The following GHRL variants were observed in gnomAD, a reference collection of about 807,000 sequenced individuals.
GHRL encodes appetite-regulating hormone.
A neutral mutation model predicts 16.9 loss-of-function variants in GHRL; 24 were observed. That is an observed-to-expected ratio of 1.42 (90% CI 1.03 to 2.00). GHRL has a LOEUF of 2.00. GHRL is among the 30% of genes most tolerant of loss of function. The pLI, the probability that GHRL is intolerant of heterozygous loss-of-function variation, is 0.00. For missense variants in GHRL, 193 were observed against 142.1 expected (o/e 1.36, Z -1.82); for synonymous variants, 63 against 58.2 (o/e 1.08, Z -0.37).
Position 10,285,827 on chromosome 3 carries a change from G to C in GHRL, c.*48C>G. 1 of 1,561,450 alleles carries C rather than the reference G, an allele frequency of 6.4e-7. No homozygotes were observed. Among genetic ancestry groups the C allele is most frequent in the Non-Finnish European group, 8.8e-7 (1 of 1,132,234 alleles). ...TGCTGCAGAAGCAAGCGAAAAGCCAGATGAGCGCTTCTAAACTTAGAGAGA... is the reference window on the plus strand; with the variant it reads ...TGCTGCAGAAGCAAGCGAAAAGCCACATGAGCGCTTCTAAACTTAGAGAGA... On this transcript the variant is annotated 3_prime_UTR_variant, in exon 6 of 6. Transcript: ENST00000335542.
At chr3:10,286,030 C>T in intron 5 of GHRL, 136 bp from the exon 6 acceptor site, 2 of 766,544 alleles carry the variant, frequency 2.6e-6, no homozygotes, top group Non-Finnish European at 4.5e-6. Flanking sequence ...CAGAGGGCGG[C>T]ACTCAAGTGT....
Position 10,292,869 on chromosome 3 carries a change from A to G in GHRL, c.-793T>C, listed in dbSNP as rs1253383649. ...GGACCCTGGAGGCCTCTCCGGGCACAGCTGCCAATGTTGATCTTAGATAAG... is the reference window on the plus strand; with the variant it reads ...GGACCCTGGAGGCCTCTCCGGGCACGGCTGCCAATGTTGATCTTAGATAAG... On this transcript the variant is annotated 5_prime_UTR_variant, in exon 1 of 6. Coordinates refer to ENST00000335542, the MANE Select transcript of GHRL (RefSeq NM_016362.5). 2.6e-6 allele frequency: 4 copies of G among 1,549,064 alleles called. No individual in the cohort carries two copies. Among genetic ancestry groups the G allele is most frequent in the Non-Finnish European group, 3.5e-6 (4 of 1,145,348 alleles).
chr3:10,292,794 C>G, intron 1 of GHRL, 48 bp downstream of exon 1: 9 of 1,149,022 alleles, frequency 7.8e-6, no homozygotes, highest in Non-Finnish European at 1.1e-5. Context: ...CAGAAAAATC[C>G]TAACTGTGGT....
Position 10,290,079 on chromosome 3 carries a change from T to C in GHRL, c.102A>G (p.Arg34=). The C allele has an allele frequency of 1.9e-6, 3 of 1,611,844 alleles. No individual in the cohort carries two copies. Among genetic ancestry groups the C allele is most frequent in the Non-Finnish European group, 2.5e-6 (3 of 1,179,248 alleles). Residue 34 remains arginine (R), a synonymous_variant, in exon 3 of 6, where the codon AGA becomes AGG. Transcript: ENST00000335542. The part of the protein sequence containing the change: ...GSSFLSPEHQ[R]VQQRKESKKP... ...CTTTGTGGGGAGGTCTCACCTGGAC[T>C]CTCTGGTGTTCAGGGCTCAGGAAGC... is the stretch of plus-strand genomic sequence containing the variant.
At chr3:10,289,632 G>A in intron 4 of GHRL, 130 bp downstream of exon 4, 3 of 744,234 alleles carry the variant, frequency 4.0e-6, no homozygotes, top group Non-Finnish European at 7.4e-6. Context: ...CAACTCCTGT[G>A]GTACTGGTTT....
intron 5 of GHRL, 126 bp from the exon 6 acceptor site, chr3:10,286,020 CAG>C (rs751764543): frequency 4.6e-5 from 37 of 804,068 alleles, no homozygotes; most frequent in Non-Finnish European, 7.4e-5. Context: ...GCCTTGGAGT[CAG>C]AGGGCGGCAC....
intron 4 of GHRL, 127 bp downstream of exon 4, chr3:10,289,635 A>G: frequency 2.7e-6 from 2 of 749,870 alleles, no homozygotes; most frequent in Non-Finnish European, 4.9e-6. Context: ...CTCCTGTGGT[A>G]CTGGTTTTAT....
chr3:10,289,794 C>G lies in GHRL; in HGVS notation c.193G>C (p.Ala65Pro), dbSNP rs142357568. ...TCCAGTTCATCCTCTGCCCCTTCTG[C>G]TTGACCTCCATCTTCCGGGCGGAGC... ...GWLRPEDGGQ[A>P]EGAEDELEVR... The change falls in exon 4 of 6, where the codon GCA becomes CCA. Residue 65 changes from alanine to proline, a missense_variant. Coordinates refer to ENST00000335542, the MANE Select transcript of GHRL (RefSeq NM_016362.5). 6.2e-7 allele frequency: 1 copy of G among 1,612,964 alleles called. No individual in the cohort carries two copies. The highest frequency in any genetic ancestry group is 1.3e-5 in the African/African-American group (1 of 74,776).
At chr3:10,289,509 C>T (rs1449727509) in intron 4 of GHRL, among the ~76,000 whole-genome samples, 1 of 152,222 alleles carries the variant, frequency 6.6e-6, no homozygotes, top group African/African-American at 2.4e-5. Context: ...GGCTCTGGCA[C>T]CCTCTCTCCT....
intron 5 of GHRL, among the ~76,000 whole-genome samples, 163 bp downstream of exon 5, chr3:10,286,541 C>T (rs537767665): frequency 6.6e-6 from 1 of 152,338 alleles, no homozygotes; most frequent in Non-Finnish European, 1.5e-5. Context: ...CCTTCTGAGC[C>T]ACTCACAAAT....
In GHRL at chr3:10,285,739, G is replaced by A. The variant is rs868519650; in HGVS notation, c.*136C>T. On this transcript the variant is annotated 3_prime_UTR_variant, in exon 6 of 6. Transcript: ENST00000335542. Reference sequence around the variant, plus strand: ...CCTCTTTGAAATAAATTCCCATTTGGAACATCAGCATACAGTTTGAACATT... The same window carrying A: ...CCTCTTTGAAATAAATTCCCATTTGAAACATCAGCATACAGTTTGAACATT... The A allele has an allele frequency of 1.8e-5, 11 of 622,340 alleles. No individual in the cohort carries two copies. The South Asian group carries it at 2.4e-4, about 14-fold the overall frequency. The allele number at this position is 622,340 out of a possible 1,614,324, so 38.6% of individuals were successfully genotyped here. A position where few individuals can be genotyped will look rare whatever the true frequency, so the allele number is the denominator to read the frequency against.
intron 4 of GHRL, 132 bp from the exon 5 acceptor site, chr3:10,286,944 C>A: frequency 1.6e-6 from 1 of 606,514 alleles, no homozygotes; most frequent in South Asian, 1.9e-5. Flanking sequence ...CCAGCAGGGA[C>A]TGCTGAGTGA....
At chr3:10,286,014 T>TG (rs1429334331) in intron 5 of GHRL, 120 bp from the exon 6 acceptor site, 2 of 881,558 alleles carry the variant, frequency 2.3e-6, no homozygotes, top group Admixed American at 4.0e-5. Context: ...GCACTGGCCT[T>TG]GGAGTCAGAG....
rs1699692841 is a variant in GHRL, at chr3:10,289,854, G to T, written c.133C>A (p.Pro45Thr). 6.2e-7 allele frequency: 1 copy of T among 1,613,538 alleles called. No individual in the cohort carries two copies. The highest frequency in any genetic ancestry group is 1.1e-5 in the South Asian group (1 of 91,066). The stretch of plus-strand genomic sequence containing the variant: ...AGAGCTCGGGGCTGCAGCTTGGCTG[G>T]TGGCTTCTTCGACTCCTTTCTCTGC... ...VQQRKESKKP[P>T]AKLQPRALAG... is the part of the protein sequence containing the mutation. Residue 45 changes from proline (P) to threonine (T), a missense_variant, in exon 4 of 6, where the codon CCA becomes ACA. Pro to Thr is a conservative substitution (Grantham distance 38). Transcript: ENST00000335542.
Position 10,291,119 on chromosome 3 carries a change from C to A in GHRL, c.-433G>T, listed in dbSNP as rs537604738. The A allele has an allele frequency of 3.0e-6, 3 of 985,682 alleles. No individual in the cohort carries two copies. In the South Asian group the frequency reaches 1.4e-4, roughly 46 times the overall value. 61.1% of individuals were successfully genotyped at this position (985,682 alleles called of 1,614,324 possible). A position where few individuals can be genotyped will look rare whatever the true frequency, so the allele number is the denominator to read the frequency against. Reference sequence around the variant, plus strand: ...TGTCATCACTAGGAGAGCTCTGAGACCTCCCCAGTCCAGCGCCCCGTTGTT... The same window carrying A: ...TGTCATCACTAGGAGAGCTCTGAGAACTCCCCAGTCCAGCGCCCCGTTGTT... On this transcript the variant is annotated 5_prime_UTR_variant, in exon 2 of 6. Coordinates refer to ENST00000335542, the MANE Select transcript of GHRL (RefSeq NM_016362.5).
At position 10,290,428 on chromosome 3, in the gene GHRL, T is replaced by C. The variant is rs191554698; in HGVS notation, c.-29-219A>G. On this transcript the variant is annotated intron_variant, in intron 2 of 5. Coordinates refer to ENST00000335542, the MANE Select transcript of GHRL (RefSeq NM_016362.5). ...GGGCAGAACACCTGGCAGCAGGACT[T>C]GATAGGGGCTGGGGGTCCTCCCCGG... 4.1e-3 allele frequency: 2,098 copies of C among 509,280 alleles called. 5 individuals are homozygous for C. The highest frequency in any genetic ancestry group is 5.1e-3 in the Non-Finnish European group (1,433 of 281,090). 31.5% of individuals were successfully genotyped at this position (509,280 alleles called of 1,614,324 possible).
intron 1 of GHRL, among the ~76,000 whole-genome samples, chr3:10,291,656 G>A (rs1458156737): frequency 1.3e-5 from 2 of 152,216 alleles, no homozygotes; most frequent in Admixed American, 1.3e-4. Context: ...CATAGGCCAA[G>A]GCCACTGCCT....
Position 10,289,755 on chromosome 3 carries a change from T to C in GHRL, c.225+7A>G. On this transcript the variant is annotated splice_region_variant and intron_variant, in intron 4 of 5. Coordinates refer to ENST00000335542, the MANE Select transcript of GHRL (RefSeq NM_016362.5). ...CCACAGAAGCATAAAACTGCAGAGG[T>C]ACCGACCCGGACTTCCAGTTCATCC... 4 of 1,547,040 alleles carry C rather than the reference T, an allele frequency of 2.6e-6. No individual in the cohort carries two copies. The highest frequency in any genetic ancestry group is 3.6e-6 in the Non-Finnish European group (4 of 1,119,042).
chr3:10,291,315 G>C lies in GHRL; in HGVS notation c.-629C>G, dbSNP rs978548674. The C allele has an allele frequency of 1.0e-6, 1 of 985,378 alleles. No individual in the cohort carries two copies. The highest frequency in any genetic ancestry group is 1.2e-6 in the Non-Finnish European group (1 of 829,988). 61.0% of individuals were successfully genotyped at this position (985,378 alleles called of 1,614,324 possible). Reference sequence around the variant, plus strand: ...GGGGATAACTTCAGCCAGTGGCTATGCTTCAGTCATTTCTGCCAGGTGTGA... The same window carrying C: ...GGGGATAACTTCAGCCAGTGGCTATCCTTCAGTCATTTCTGCCAGGTGTGA... On this transcript the variant is annotated 5_prime_UTR_variant, in exon 2 of 6. Transcript: ENST00000335542.
Sources: allele counts gnomAD v4.1 joint callset (sites outside exome capture counted in the v4.1 genomes callset), GRCh38; gene constraint gnomAD v4.1.1; transcripts MANE v1.5; gene names NCBI Gene and HGNC (gene_info 2026-07-23, HGNC 2026-07-21).